The following PKP4 variants were observed in gnomAD, a reference collection of about 807,000 sequenced individuals.
PKP4 encodes plakophilin-4.
A neutral mutation model predicts 145.1 loss-of-function variants in PKP4; 90 were observed. The ratio of observed to expected loss-of-function variants is 0.62; its 90% CI spans 0.52 to 0.74. PKP4 has a LOEUF of 0.74. PKP4 is among the 30% of genes least tolerant of loss of function. The pLI is 0.00. For synonymous variants in PKP4, 563 were observed against 577.2 expected (o/e 0.98, Z 0.35); for missense variants, 1,340 against 1,482.7 (o/e 0.90, Z 1.58).
chr2:158,545,085 T>TC (rs2044871020), intron 2 of PKP4, among the ~76,000 whole-genome samples: 1 of 142,964 alleles, frequency 7.0e-6, no homozygotes, highest in Admixed American at 7.1e-5. Context: ...TTTTTTTTTT[T>TC]TTTTTTTTTT....
chr2:158,476,812 T>C (rs1381678103), intron 1 of PKP4, among the ~76,000 whole-genome samples: 2 of 152,166 alleles, frequency 1.3e-5, no homozygotes, highest in African/African-American at 2.4e-5. Context: ...GAGTATAGTT[T>C]AGCTGCATTC....
intron 1 of PKP4, among the ~76,000 whole-genome samples, chr2:158,490,447 A>G (rs1694783528): frequency 1.3e-5 from 2 of 152,176 alleles, no homozygotes; most frequent in Admixed American, 1.3e-4. Flanking sequence ...AGTAAAGTCG[A>G]TGAATTTTTC....
At chr2:158,557,136 A>G (rs2046164406) in intron 2 of PKP4, among the ~76,000 whole-genome samples, 1 of 152,188 alleles carries the variant, frequency 6.6e-6, no homozygotes, top group Non-Finnish European at 1.5e-5. Context: ...TAGAATTTAA[A>G]TAAAAGATGC....
intron 2 of PKP4, among the ~76,000 whole-genome samples, chr2:158,564,520 C>A (rs1397544082): frequency 6.6e-6 from 1 of 152,140 alleles, no homozygotes; most frequent in Non-Finnish European, 1.5e-5. Flanking sequence ...GTGGGGATGG[C>A]AGGGCATGAG....
rs1188211469 is a variant in PKP4, at chr2:158,619,118, A to G, written c.281-1872A>G. Among the ~76,000 whole-genome samples, 3 of 152,316 alleles carry G rather than the reference A, an allele frequency of 2.0e-5. No homozygotes were observed. In the East Asian group the frequency reaches 5.8e-4, roughly 29 times the overall value. On this transcript the variant is annotated intron_variant, in intron 4 of 21. Coordinates refer to ENST00000389759, the MANE Select transcript of PKP4 (RefSeq NM_003628.6). Reference sequence around the variant, plus strand: ...ATTTCAGGCCAGCACCTGTGCAGCTATTCCCAGCTATTCCAATTCCTTGGT... The same window carrying G: ...ATTTCAGGCCAGCACCTGTGCAGCTGTTCCCAGCTATTCCAATTCCTTGGT...
At chr2:158,487,279 C>G (rs1694306119) in intron 1 of PKP4, among the ~76,000 whole-genome samples, 1 of 152,134 alleles carries the variant, frequency 6.6e-6, no homozygotes, top group South Asian at 2.1e-4. Flanking sequence ...AAAAAAAGCA[C>G]ATTTGTATAA....
intron 16 of PKP4, among the ~76,000 whole-genome samples, chr2:158,667,098 A>G (rs1213253719): frequency 1.3e-5 from 2 of 152,188 alleles, no homozygotes; most frequent in Non-Finnish European, 2.9e-5. Context: ...ACATTTTAGG[A>G]GGCCTTTACT....
At chr2:158,588,252 A>T (rs945944399) in intron 3 of PKP4, 6 of 152,098 alleles carry the variant, frequency 3.9e-5, no homozygotes, top group African/African-American at 1.4e-4. Flanking sequence ...CAGCTTTCTG[A>T]AGTAGCTCAA....
chr2:158,488,631 T>C (rs1464803301), intron 1 of PKP4, among the ~76,000 whole-genome samples: 2 of 152,172 alleles, frequency 1.3e-5, no homozygotes, highest in African/African-American at 2.4e-5. Context: ...CCTCCAGTGA[T>C]CCCACCTCCT....
chr2:158,481,504 A>G (rs1693349722), intron 1 of PKP4, among the ~76,000 whole-genome samples: 1 of 152,130 alleles, frequency 6.6e-6, no homozygotes, highest in African/African-American at 2.4e-5. Context: ...TTACTTTCCC[A>G]CTAGCAGAGT....
At chr2:158,634,453 T>C (rs2053646889) in intron 9 of PKP4, among the ~76,000 whole-genome samples, 164 bp downstream of exon 9, 1 of 152,220 alleles carries the variant, frequency 6.6e-6, no homozygotes, top group African/African-American at 2.4e-5. Context: ...ATATAGGTCA[T>C]TGAGGTTAAT....
At chr2:158,521,008 G>C (rs1293447817) in intron 1 of PKP4, among the ~76,000 whole-genome samples, 2 of 152,136 alleles carry the variant, frequency 1.3e-5, no homozygotes, top group African/African-American at 2.4e-5. Flanking sequence ...TGAGTTGTTA[G>C]CAACCTATCG....
chr2:158,559,514 C>G (rs958930982), intron 2 of PKP4, among the ~76,000 whole-genome samples: 7 of 152,122 alleles, frequency 4.6e-5, no homozygotes, highest in Non-Finnish European at 5.9e-5. Context: ...GAACCCTGAC[C>G]TAGCCTGGCA....
intron 1 of PKP4, among the ~76,000 whole-genome samples, chr2:158,500,699 G>T (rs977923510): frequency 6.6e-6 from 1 of 152,218 alleles, no homozygotes; most frequent in African/African-American, 2.4e-5. Context: ...CAGCTATGGA[G>T]CTACCTTTGC....
intron 1 of PKP4, among the ~76,000 whole-genome samples, chr2:158,491,569 T>A (rs909986513): frequency 1.3e-5 from 2 of 152,068 alleles, no homozygotes; most frequent in African/African-American, 4.8e-5. Flanking sequence ...TATGTTGATT[T>A]GAGGGACATC....
At chr2:158,537,515 T>C (rs2044153507) in intron 2 of PKP4, among the ~76,000 whole-genome samples, 1 of 152,210 alleles carries the variant, frequency 6.6e-6, no homozygotes, top group Admixed American at 6.5e-5. Flanking sequence ...GTAATGTGAT[T>C]CTGAAATTAC....
At chr2:158,553,190 G>T (rs2045784528) in intron 2 of PKP4, among the ~76,000 whole-genome samples, 2 of 152,214 alleles carry the variant, frequency 1.3e-5, no homozygotes, top group Non-Finnish European at 2.9e-5. Context: ...AAGCAAAAAT[G>T]AATCACAGTT....
Position 158,642,426 on chromosome 2 carries a change from G to T in PKP4, c.1696-60G>T, listed in dbSNP as rs2054375962. 2.4e-6 allele frequency: 3 copies of T among 1,275,306 alleles called. No individual in the cohort carries two copies. In the African/African-American group the frequency reaches 4.4e-5, roughly 19 times the overall value. 79.0% of individuals were successfully genotyped at this position (1,275,306 alleles called of 1,614,324 possible). On this transcript the variant is annotated intron_variant, in intron 10 of 21. Coordinates refer to ENST00000389759, the MANE Select transcript of PKP4 (RefSeq NM_003628.6). ...TGTGATCTCTCCATAACGGACTTCT[G>T]TATGATCACTGATTAATTGCATGTT...
intron 1 of PKP4, among the ~76,000 whole-genome samples, chr2:158,467,688 A>G (rs995483406): frequency 1.3e-5 from 2 of 152,242 alleles, no homozygotes; most frequent in South Asian, 4.1e-4. Context: ...TCTAAAAAAA[A>G]TTTTAAAAAT....
Sources: gnomAD v4.1 joint callset for allele counts (sites outside exome capture counted in the v4.1 genomes callset) on GRCh38, gnomAD v4.1.1 for gene constraint, MANE v1.5 for transcripts, NCBI Gene and HGNC (gene_info 2026-07-23, HGNC 2026-07-21) for gene names.